The following PDE4D variants were observed in gnomAD, a reference collection of about 807,000 sequenced individuals.
PDE4D encodes 3',5'-cyclic-AMP phosphodiesterase 4D.
Under a neutral mutation model 87.4 loss-of-function variants are expected in PDE4D, and 24 were observed. That is an observed-to-expected ratio of 0.27 (90% CI 0.20 to 0.39). The LOEUF (loss-of-function observed/expected upper bound fraction) is 0.39, where lower values mean the gene tolerates loss of function less well. Ranked by LOEUF, PDE4D falls within the 10% of genes least tolerant of loss-of-function variation. The probability of loss-of-function intolerance (pLI) is 1.00; values close to 1 mark genes in which losing one functional copy is unlikely to be tolerated. For synonymous variants in PDE4D, 384 were observed against 383.2 expected, an observed-to-expected ratio of 1.00 and a Z score of -0.02; for missense variants, 714 against 1,041.0, an observed-to-expected ratio of 0.69 and a Z score of 4.32.
intron 1 of PDE4D, among the ~76,000 whole-genome samples, chr5:59,306,369 C>T (rs1213987417): frequency 6.6e-6 from 1 of 152,160 alleles, no homozygotes; most frequent in African/African-American, 2.4e-5. Flanking sequence ...TTAAGTGGAG[C>T]ATTTAGGCCA....
At chr5:58,999,760 A>G in intron 6 of PDE4D, 1 of 1,035,260 alleles carries the variant, frequency 9.7e-7, no homozygotes, top group Non-Finnish European at 1.2e-6. Context: ...CCAGAATGGC[A>G]CAAAATTCAG....
At chr5:60,514,504 A>G (rs1750707814) in intron 1 of PDE4D, among the ~76,000 whole-genome samples, 1 of 152,096 alleles carries the variant, frequency 6.6e-6, no homozygotes, top group Non-Finnish European at 1.5e-5. Flanking sequence ...TTTAGTTACT[A>G]CAAGGTTGGA....
intron 1 of PDE4D, among the ~76,000 whole-genome samples, chr5:59,822,462 T>G (rs923806170): frequency 6.6e-6 from 1 of 152,216 alleles, no homozygotes; most frequent in African/African-American, 2.4e-5. Context: ...TTCATTTTAT[T>G]TATATTTTAT....
At chr5:60,502,563 A>G (rs1750135678) in intron 1 of PDE4D, among the ~76,000 whole-genome samples, 1 of 151,986 alleles carries the variant, frequency 6.6e-6, no homozygotes, top group Non-Finnish European at 1.5e-5. Context: ...GCTTGATGGA[A>G]GCTGTAGACC....
chr5:59,418,575 A>C (rs1028892635), intron 1 of PDE4D, among the ~76,000 whole-genome samples: 1 of 152,150 alleles, frequency 6.6e-6, no homozygotes, highest in African/African-American at 2.4e-5. Context: ...ATGGTACTTA[A>C]CAGAACACAT....
intron 1 of PDE4D, among the ~76,000 whole-genome samples, chr5:59,260,115 T>G (rs1376145110): frequency 6.6e-6 from 1 of 151,868 alleles, no homozygotes; most frequent in African/African-American, 2.4e-5. Flanking sequence ...TTAAAAAGAT[T>G]GTCCTGAGAG....
At chr5:59,745,139 T>C (rs1402526825) in intron 1 of PDE4D, among the ~76,000 whole-genome samples, 1 of 152,148 alleles carries the variant, frequency 6.6e-6, no homozygotes, top group Non-Finnish European at 1.5e-5. Flanking sequence ...GGTGTTCAGA[T>C]TATATGGTTA....
chr5:60,280,856 T>TA (rs2149746090), intron 1 of PDE4D, among the ~76,000 whole-genome samples: 1 of 152,288 alleles, frequency 6.6e-6, no homozygotes, highest in African/African-American at 2.4e-5. Context: ...GTTTATTATC[T>TA]AAAATAAGGG....
At chr5:60,018,156 A>G (rs531784888) in intron 2 of PDE4D, among the ~76,000 whole-genome samples, 4 of 152,158 alleles carry the variant, frequency 2.6e-5, no homozygotes, top group Admixed American at 6.5e-5. Context: ...AAGAAACCCT[A>G]CAAGCTAGAA....
At chr5:59,406,694 C>T (rs1023498858) in intron 1 of PDE4D, among the ~76,000 whole-genome samples, 2 of 151,984 alleles carry the variant, frequency 1.3e-5, no homozygotes, top group South Asian at 4.2e-4. Context: ...AGCAACATCT[C>T]CCTTTTCATC....
chr5:59,834,219 T>C (rs1741672066), intron 1 of PDE4D, among the ~76,000 whole-genome samples: 1 of 152,032 alleles, frequency 6.6e-6, no homozygotes, highest in South Asian at 2.1e-4. Context: ...GATGACTTTA[T>C]TGAACACCTA....
intron 1 of PDE4D, among the ~76,000 whole-genome samples, chr5:59,235,797 T>G (rs1756281935): frequency 6.6e-6 from 1 of 152,146 alleles, no homozygotes; most frequent in African/African-American, 2.4e-5. Context: ...GCAAGAGTCC[T>G]TCATTTTGGT....
intron 1 of PDE4D, among the ~76,000 whole-genome samples, chr5:60,281,278 C>T (rs889903901): frequency 6.6e-6 from 1 of 152,174 alleles, no homozygotes; most frequent in Admixed American, 6.5e-5. Flanking sequence ...GAAAGTACCT[C>T]AAAACCACAC....
chr5:59,246,164 A>C (rs908323627), intron 1 of PDE4D, among the ~76,000 whole-genome samples: 12 of 152,134 alleles, frequency 7.9e-5, no homozygotes, highest in Admixed American at 6.6e-5. Context: ...AAGGCAATCC[A>C]TTTCTTTTCT....
At chr5:60,493,750 G>A (rs1749661925) in intron 1 of PDE4D, among the ~76,000 whole-genome samples, 1 of 152,072 alleles carries the variant, frequency 6.6e-6, no homozygotes, top group Non-Finnish European at 1.5e-5. Context: ...TTCTGCAAAT[G>A]CAGCCCCTCT....
intron 1 of PDE4D, among the ~76,000 whole-genome samples, chr5:59,492,156 T>C (rs1309352431): frequency 6.6e-6 from 1 of 152,160 alleles, no homozygotes; most frequent in Non-Finnish European, 1.5e-5. Context: ...TTGCATCACC[T>C]CTTTCTTCCT....
chr5:59,939,928 C>A (rs1219250934), intron 3 of PDE4D, among the ~76,000 whole-genome samples: 1 of 152,186 alleles, frequency 6.6e-6, no homozygotes, highest in Non-Finnish European at 1.5e-5. Flanking sequence ...AATATAAAAA[C>A]TCATGACACC....
At chr5:59,761,231 C>T (rs1444107827) in intron 1 of PDE4D, among the ~76,000 whole-genome samples, 4 of 152,174 alleles carry the variant, frequency 2.6e-5, no homozygotes, top group African/African-American at 9.6e-5. Context: ...ACCACGAATG[C>T]AGCTTACAGG....
At chr5:59,490,261 A>T (rs533777111) in intron 1 of PDE4D, among the ~76,000 whole-genome samples, 2 of 152,300 alleles carry the variant, frequency 1.3e-5, no homozygotes, top group East Asian at 3.9e-4. Context: ...AAAATATTTT[A>T]AAATATTTAA....
Sources: gnomAD v4.1 joint callset for allele counts (sites outside exome capture counted in the v4.1 genomes callset) on GRCh38, gnomAD v4.1.1 for gene constraint, MANE v1.5 for transcripts, NCBI Gene and HGNC (gene_info 2026-07-23, HGNC 2026-07-21) for gene names.